Variants in PLD5 observed in about 807,000 individuals in gnomAD.
The protein encoded by PLD5 is phospholipase D family member 5, also known as inactive phospholipase D5.
Under a neutral mutation model 61.1 loss-of-function variants are expected in PLD5, and 36 were observed. The observed-to-expected ratio is 0.59, with a 90% CI of 0.45 to 0.78. The LOEUF is 0.78. Ranked by LOEUF, PLD5 falls within the 30% of genes least tolerant of loss-of-function variation. The pLI is 0.00. For synonymous variants in PLD5, 243 were observed against 242.8 expected, an observed-to-expected ratio of 1.00 and a Z score of -0.01; for missense variants, 515 against 644.4, an observed-to-expected ratio of 0.80 and a Z score of 2.17.
chr1:242,482,597 G>C (rs965130778), intron 1 of PLD5, among the ~76,000 whole-genome samples: 5 of 152,228 alleles, frequency 3.3e-5, no homozygotes, highest in Non-Finnish European at 7.3e-5. Flanking sequence ...GTACCTGAAA[G>C]TAATGGGGAG....
Position 242,424,577 on chromosome 1 carries a change from C to A in PLD5, c.190-76335G>T, listed in dbSNP as rs143453063. ...AAAAAAATCAGCGTGATTTTGTCAC[C>A]CTAATACTTCAAATCCACTGAGATA... is the stretch of plus-strand genomic sequence containing the variant. On this transcript the variant is annotated intron_variant, in intron 1 of 9. Transcript: ENST00000536534. 2.1e-4 allele frequency among the ~76,000 whole-genome samples: 32 copies of A among 152,142 alleles called. 1 individual carries two copies. Among genetic ancestry groups the A allele is most frequent in the African/African-American group, 7.5e-4 (31 of 41,508 alleles).
rs953073101 is a variant in PLD5 at position 242,120,092 on chromosome 1, G to T, written c.933+4376C>A. 2.6e-5 allele frequency among the ~76,000 whole-genome samples: 4 copies of T among 152,224 alleles called. No individual in the cohort carries two copies. In the East Asian group the frequency reaches 5.8e-4, roughly 22 times the overall value. On this transcript the variant is annotated intron_variant, in intron 6 of 9. Transcript: ENST00000536534. Reference sequence around the variant, plus strand: ...AATCACAAAAAACTACATAGTATATGATTCCATTTATATAAAATATCCAGA... The same window carrying T: ...AATCACAAAAAACTACATAGTATATTATTCCATTTATATAAAATATCCAGA...
At chr1:242,249,428 T>TA (rs1187767828) in intron 4 of PLD5, among the ~76,000 whole-genome samples, 1 of 152,204 alleles carries the variant, frequency 6.6e-6, no homozygotes, top group South Asian at 2.1e-4. Flanking sequence ...CTGTTCTTTA[T>TA]AAACTACCCA....
At chr1:242,100,301 G>C (rs1281415433) in intron 9 of PLD5, among the ~76,000 whole-genome samples, 1 of 152,198 alleles carries the variant, frequency 6.6e-6, no homozygotes. Context: ...CATCACTCAT[G>C]TCAGGCTGGC....
intron 5 of PLD5, among the ~76,000 whole-genome samples, chr1:242,170,838 G>A (rs532935347): frequency 1.3e-4 from 20 of 148,790 alleles, no homozygotes; most frequent in African/African-American, 4.6e-4. Flanking sequence ...GAAATAAAGC[G>A]AGAAAAAAGA....
Position 242,126,454 on chromosome 1 carries a change from A to T in PLD5, c.736-1789T>A, listed in dbSNP as rs997611954. On this transcript the variant is annotated intron_variant, in intron 5 of 9. Transcript: ENST00000536534. ...ACCACAACAGCATGTTACTGGTATA[A>T]AAATAGGCGCATAGCCCAATGGAAC... is the stretch of plus-strand genomic sequence containing the variant. Among the ~76,000 whole-genome samples, 3 of 152,264 alleles carry T rather than the reference A, an allele frequency of 2.0e-5. No homozygotes were observed. In the South Asian group the frequency reaches 6.2e-4, roughly 31 times the overall value.
At chr1:242,299,120 A>T (rs374880572) in intron 2 of PLD5, among the ~76,000 whole-genome samples, 110 of 149,900 alleles carry the variant, frequency 7.3e-4, no homozygotes, top group Middle Eastern at 3.5e-3. Flanking sequence ...ACATTAAAAA[A>T]TTTTTTTTAA....
chr1:242,224,563 A>C (rs779856298), intron 4 of PLD5, among the ~76,000 whole-genome samples: 2 of 152,148 alleles, frequency 1.3e-5, no homozygotes, highest in African/African-American at 2.4e-5. Context: ...GTCAATATTC[A>C]CGGGGGTTAT....
intron 1 of PLD5, among the ~76,000 whole-genome samples, chr1:242,381,416 A>T (rs1409570178): frequency 6.6e-6 from 1 of 152,140 alleles, no homozygotes; most frequent in Non-Finnish European, 1.5e-5. Flanking sequence ...GGGAGGGGGA[A>T]GGAGGCAGGA....
chr1:242,219,842 T>G, intron 5 of PLD5, 146 bp downstream of exon 5: 1 of 1,084,870 alleles, frequency 9.2e-7, no homozygotes, highest in African/African-American at 1.6e-5. Context: ...TCCTTTCACA[T>G]AAAAGGAAGA....
intron 1 of PLD5, among the ~76,000 whole-genome samples, chr1:242,403,295 C>T (rs1162721990): frequency 6.6e-6 from 1 of 152,146 alleles, no homozygotes; most frequent in Non-Finnish European, 1.5e-5. Flanking sequence ...GACTTCCTCT[C>T]TGTTGACAGC....
rs554584946 is a variant in PLD5 at position 242,233,983 on chromosome 1, G to C, written c.608-13868C>G. 3.9e-5 allele frequency among the ~76,000 whole-genome samples: 6 copies of C among 152,294 alleles called. No individual in the cohort carries two copies. In the South Asian group the frequency reaches 6.2e-4, roughly 16 times the overall value. Reference sequence around the variant, plus strand: ...AGATGTGGTTAAATTAAACTGTAAAGATGGTTCCATTCCAAGCCAAATTAA... The same window carrying C: ...AGATGTGGTTAAATTAAACTGTAAACATGGTTCCATTCCAAGCCAAATTAA... On this transcript the variant is annotated intron_variant, in intron 4 of 9. Transcript: ENST00000536534.
chr1:242,409,071 A>AAAAG (rs1664401515), intron 1 of PLD5, among the ~76,000 whole-genome samples: 15 of 140,454 alleles, frequency 1.1e-4, no homozygotes, highest in South Asian at 2.2e-4. Context: ...CTCTCAAAAA[A>AAAAG]AAAAGAAAAG....
intron 1 of PLD5, among the ~76,000 whole-genome samples, chr1:242,468,586 A>T (rs1465492646): frequency 3.3e-5 from 5 of 152,108 alleles, no homozygotes; most frequent in Non-Finnish European, 5.9e-5. Context: ...TTGAGATTTT[A>T]CCATACACAT....
At chr1:242,397,241 G>A (rs1663639367) in intron 1 of PLD5, among the ~76,000 whole-genome samples, 1 of 151,960 alleles carries the variant, frequency 6.6e-6, no homozygotes, top group Admixed American at 6.6e-5. Context: ...GTATCTACTA[G>A]ACACCTCGAA....
At chr1:242,246,974 CTTTTT>C (rs74466537) in intron 4 of PLD5, among the ~76,000 whole-genome samples, 16,309 of 128,582 alleles carry the variant, frequency 0.13, 617 homozygotes, top group Non-Finnish European at 0.14. Context: ...TTTAGGGATT[CTTTTT>C]TTTTTTTTTT....
intron 4 of PLD5, among the ~76,000 whole-genome samples, chr1:242,242,437 G>T (rs940195701): frequency 6.6e-6 from 1 of 152,118 alleles, no homozygotes; most frequent in African/African-American, 2.4e-5. Context: ...AGATTTCTTA[G>T]GCATTTTTAA....
At position 242,194,664 on chromosome 1, in the gene PLD5, A is replaced by ATCTATCTATCTATCTG. The variant is rs1558329022; in HGVS notation, c.735+25323_735+25324insCAGATAGATAGATAGA. ...TATCTATCTATCTATCTATCTATCT[A>ATCTATCTATCTATCTG]TCTACCTATCTATGATAGAATACTA... On this transcript the variant is annotated intron_variant, in intron 5 of 9. Transcript: ENST00000536534. Among the ~76,000 whole-genome samples, 384 of 150,642 alleles carry ATCTATCTATCTATCTG rather than the reference A, an allele frequency of 2.5e-3. 2 individuals carry two copies. The highest frequency in any genetic ancestry group is 8.4e-3 in the African/African-American group (343 of 40,782).
rs545541850 is a variant in PLD5, at chr1:242,172,958, G to C, written c.735+47030C>G. 2.6e-5 allele frequency among the ~76,000 whole-genome samples: 4 copies of C among 152,068 alleles called. No homozygotes were observed. The East Asian group carries it at 7.7e-4, about 29-fold the overall frequency. ...CCAAATTCTACCAGAGGTACAAAGA[G>C]GAGCTGGTACCATTCCTTCTGAAAT... is the stretch of plus-strand genomic sequence containing the variant. On this transcript the variant is annotated intron_variant, in intron 5 of 9. Transcript: ENST00000536534.
Sources: allele counts gnomAD v4.1 joint callset (sites outside exome capture counted in the v4.1 genomes callset), GRCh38; gene constraint gnomAD v4.1.1; transcripts MANE v1.5; gene names NCBI Gene and HGNC (gene_info 2026-07-23, HGNC 2026-07-21).